The following HEATR5B variants were observed in gnomAD, a reference collection of about 807,000 sequenced individuals.
The protein encoded by HEATR5B is HEAT repeat containing 5B.
Under a neutral mutation model 224.1 loss-of-function variants are expected in HEATR5B, and 156 were observed. That is an observed-to-expected ratio of 0.70 (90% CI 0.61 to 0.80). The LOEUF is 0.80. Among genes scored for constraint, HEATR5B ranks in the 30% least tolerant of loss-of-function variants. The probability of loss-of-function intolerance (pLI) is 0.00; values close to 1 mark genes in which losing one functional copy is unlikely to be tolerated. For synonymous variants in HEATR5B, 1,027 were observed against 893.0 expected, an observed-to-expected ratio of 1.15 and a Z score of -2.68; for missense variants, 2,323 against 2,535.5, an observed-to-expected ratio of 0.92 and a Z score of 1.80.
intron 35 of HEATR5B, 120 bp from the exon 36 acceptor site, chr2:36,981,914 A>C (rs1407529900): frequency 1.7e-6 from 1 of 573,500 alleles, no homozygotes; most frequent in Admixed American, 3.7e-5. Context: ...TGCACAGCCT[A>C]CTTTAGACCT....
chr2:37,047,035 C>CA (rs57343074), intron 18 of HEATR5B, among the ~76,000 whole-genome samples: 17,644 of 45,608 alleles, frequency 0.39, 3,587 homozygotes, highest in African/African-American at 0.56. Flanking sequence ...GACTCCACCT[C>CA]AAAAAAAAAA....
intron 31 of HEATR5B, 54 bp downstream of exon 31, chr2:37,003,488 A>G: frequency 1.6e-6 from 2 of 1,280,936 alleles, no homozygotes; most frequent in Non-Finnish European, 2.2e-6. Context: ...ATATTTTAAA[A>G]ATTAGAGTAT....
At chr2:37,075,307 A>G (rs1395477558) in intron 5 of HEATR5B, among the ~76,000 whole-genome samples, 178 bp downstream of exon 5, 2 of 152,250 alleles carry the variant, frequency 1.3e-5, no homozygotes, top group African/African-American at 4.8e-5. Context: ...AAGAAGCCAG[A>G]ATACACATAC....
intron 30 of HEATR5B, 130 bp from the exon 31 acceptor site, chr2:37,003,816 G>A (rs2691108): frequency 0.02 from 10,726 of 527,744 alleles, 930 homozygotes; most frequent in African/African-American, 0.18. Flanking sequence ...ATAGGACTAC[G>A]TAACAAATAA....
chr2:36,993,473 G>C (rs1472599634), intron 33 of HEATR5B, among the ~76,000 whole-genome samples: 1 of 151,776 alleles, frequency 6.6e-6, no homozygotes, highest in Non-Finnish European at 1.5e-5. Context: ...GGAGGTGGAC[G>C]TGGAGGTTGC....
intron 3 of HEATR5B, among the ~76,000 whole-genome samples, chr2:37,078,725 G>A (rs375971654): frequency 4.6e-5 from 7 of 152,164 alleles, no homozygotes; most frequent in Admixed American, 1.3e-4. Flanking sequence ...GCTATTACAC[G>A]GACCATGGCC....
rs1667950064 is a variant in HEATR5B, at chr2:37,013,910, A to G, written c.4215T>C (p.Ser1405=). 6 of 1,613,364 alleles carry G rather than the reference A, an allele frequency of 3.7e-6. No homozygotes were observed. Among genetic ancestry groups the G allele is most frequent in the Non-Finnish European group, 5.1e-6 (6 of 1,179,634 alleles). Residue 1405 remains serine (S), a synonymous_variant, in exon 27 of 36, where the codon TCT becomes TCC. Transcript: ENST00000233099. The stretch of plus-strand genomic sequence containing the variant: ...CACTCTCTCGGTACAGCTGGCTGGA[A>G]GATCCTTTTCCAGCCTGAACTTTGT... ...SLDKVQAGKG[S]SSQLYRESAT... is the part of the protein sequence containing the mutation.
rs773072540 is a variant in HEATR5B, at chr2:37,028,939, A to C, written c.3362-19T>G. ...CTGACATCTGAAAGGTAATTTTTACAAATGAATTTGTATGGTATTTTGGTG... is the reference window on the plus strand; with the variant it reads ...CTGACATCTGAAAGGTAATTTTTACCAATGAATTTGTATGGTATTTTGGTG... On this transcript the variant is annotated intron_variant, in intron 22 of 35. Coordinates refer to ENST00000233099, the MANE Select transcript of HEATR5B (RefSeq NM_019024.3). 4 of 1,611,698 alleles carry C rather than the reference A, an allele frequency of 2.5e-6. No individual in the cohort carries two copies. The highest frequency in any genetic ancestry group is 3.4e-6 in the Non-Finnish European group (4 of 1,178,374).
intron 26 of HEATR5B, among the ~76,000 whole-genome samples, chr2:37,018,602 G>A (rs1047360597): frequency 7.9e-5 from 12 of 152,184 alleles, no homozygotes; most frequent in African/African-American, 2.9e-4. Flanking sequence ...CAGCTACAGA[G>A]AGGATAAAGT....
chr2:37,016,451 T>C (rs961514841), intron 26 of HEATR5B, among the ~76,000 whole-genome samples: 5 of 142,044 alleles, frequency 3.5e-5, no homozygotes, highest in African/African-American at 1.1e-4. Flanking sequence ...TGGACCAAGA[T>C]TTTTTTCAGA....
At chr2:37,049,553 C>T in intron 18 of HEATR5B, 100 bp downstream of exon 18, 1 of 1,014,088 alleles carries the variant, frequency 9.9e-7, no homozygotes, top group Non-Finnish European at 1.5e-6. Context: ...AATATTATCA[C>T]ATGCTGTATA....
chr2:37,058,810 G>A (rs1196965150), intron 13 of HEATR5B, 78 bp downstream of exon 13: 2 of 919,586 alleles, frequency 2.2e-6, no homozygotes, highest in Non-Finnish European at 3.3e-6. Flanking sequence ...GATTCTAGAA[G>A]AAAGCACAAA....
intron 22 of HEATR5B, among the ~76,000 whole-genome samples, 196 bp downstream of exon 22, chr2:37,032,433 C>T (rs1473682721): frequency 6.6e-6 from 1 of 152,038 alleles, no homozygotes; most frequent in Non-Finnish European, 1.5e-5. Flanking sequence ...GCCCAACTTG[C>T]AAAAATTTTT....
At chr2:36,995,083 C>G (rs973118691) in intron 33 of HEATR5B, among the ~76,000 whole-genome samples, 2 of 101,886 alleles carry the variant, frequency 2.0e-5, no homozygotes, top group Non-Finnish European at 4.0e-5. Flanking sequence ...TCTTGTTATT[C>G]CTTGTTTTTT....
chr2:37,027,880 G>T lies in HEATR5B; in HGVS notation c.3853+43C>A, dbSNP rs768029463. ...TCTCATAGCAGCAAAATGTCTCAAG[G>T]TGTAAAAATGCTTTGGGGAAAAAGT... On this transcript the variant is annotated intron_variant, in intron 24 of 35. Coordinates refer to ENST00000233099, the MANE Select transcript of HEATR5B (RefSeq NM_019024.3). The T allele has an allele frequency of 5.0e-6, 8 of 1,596,248 alleles. No individual in the cohort carries two copies. The South Asian group carries it at 8.9e-5, about 18-fold the overall frequency.
chr2:37,055,799 CTT>C (rs1032935215), intron 16 of HEATR5B, among the ~76,000 whole-genome samples: 7 of 152,134 alleles, frequency 4.6e-5, no homozygotes, highest in African/African-American at 1.7e-4. Flanking sequence ...TTTTGTAAAG[CTT>C]TTAAGTTATC....
rs978504446 is a variant in HEATR5B at position 37,060,624 on chromosome 2, A to T, written c.1806T>A (p.Phe602Leu). 2 of 1,613,858 alleles carry T rather than the reference A, an allele frequency of 1.2e-6. No individual in the cohort carries two copies. The highest frequency in any genetic ancestry group is 1.7e-6 in the Non-Finnish European group (2 of 1,179,894). The change falls in exon 12 of 36, where the codon TTT (phenylalanine) becomes TTA (leucine). Residue 602 changes from phenylalanine to leucine, a missense_variant. Around this residue, in one of 12 missense-constraint regions of HEATR5B, gnomAD observed 502 missense variants for 517.8 expected, o/e 0.97. Coordinates refer to ENST00000233099, the MANE Select transcript of HEATR5B (RefSeq NM_019024.3). ...GACCTTCCAAAGTTACCTGCCAGGT[A>T]AAAGAATCGCCTCGGGCCTTCTCAG... ...LEAEKARGDS[F>L]TWQVTLEGRA...
intron 17 of HEATR5B, among the ~76,000 whole-genome samples, chr2:37,053,260 T>C (rs1381175728): frequency 2.0e-5 from 3 of 152,256 alleles, no homozygotes; most frequent in African/African-American, 4.8e-5. Context: ...AAAGAATTTA[T>C]TGGCACTTGT....
chr2:37,070,881 A>G (rs928706684), intron 6 of HEATR5B, among the ~76,000 whole-genome samples: 4 of 152,190 alleles, frequency 2.6e-5, no homozygotes, highest in Admixed American at 2.0e-4. Flanking sequence ...ATCCTCACAA[A>G]AATTCTGCAG....
Sources: gnomAD v4.1 joint callset for allele counts (sites outside exome capture counted in the v4.1 genomes callset) on GRCh38, gnomAD v4.1.1 for gene constraint, gnomAD v4.1.1 regional missense constraint, MANE v1.5 for transcripts, NCBI Gene and HGNC (gene_info 2026-07-23, HGNC 2026-07-21) for gene names.